The following KIAA1217 variants were observed in gnomAD, a reference collection of about 807,000 sequenced individuals.
KIAA1217 encodes sickle tail protein homolog.
A neutral mutation model predicts 163.9 loss-of-function variants in KIAA1217; 88 were observed. The ratio of observed to expected loss-of-function variants is 0.54; its 90% confidence interval spans 0.45 to 0.64. KIAA1217 has a LOEUF of 0.64. Ranked by LOEUF, KIAA1217 falls within the 30% of genes least tolerant of loss-of-function variation. The pLI is 0.00. For missense variants in KIAA1217, 2,372 were observed against 2,475.0 expected (o/e 0.96, Z 0.88); for synonymous variants, 903 against 923.1 (o/e 0.98, Z 0.39).
At chr10:23,956,997 T>C (rs1218268185) in intron 1 of KIAA1217, among the ~76,000 whole-genome samples, 1 of 152,154 alleles carries the variant, frequency 6.6e-6, no homozygotes, top group Non-Finnish European at 1.5e-5. Context: ...TTTCTTCCAG[T>C]TGCCACCCAT....
intron 2 of KIAA1217, among the ~76,000 whole-genome samples, chr10:24,329,855 A>G (rs1442429560): frequency 6.6e-6 from 1 of 152,204 alleles, no homozygotes; most frequent in African/African-American, 2.4e-5. Context: ...CTAGGAATAT[A>G]CACAAAGCCA....
chr10:23,706,862 C>A (rs1251435358), intron 1 of KIAA1217, among the ~76,000 whole-genome samples: 1 of 152,102 alleles, frequency 6.6e-6, no homozygotes, highest in Non-Finnish European at 1.5e-5. Context: ...GAGTTCCAGT[C>A]AGCAGTATGG....
intron 1 of KIAA1217, among the ~76,000 whole-genome samples, chr10:23,765,469 G>C (rs114383360): frequency 2.6e-5 from 4 of 152,046 alleles, no homozygotes; most frequent in African/African-American, 9.6e-5. Context: ...CACCACGCCC[G>C]GTCTTTTGTT....
At chr10:23,889,277 G>A (rs1017945786) in intron 1 of KIAA1217, among the ~76,000 whole-genome samples, 14 of 151,842 alleles carry the variant, frequency 9.2e-5, no homozygotes, top group African/African-American at 2.9e-4. Flanking sequence ...TACCTGAAAT[G>A]TATGAGAGTT....
chr10:24,171,444 T>C (rs2065622295), intron 2 of KIAA1217, among the ~76,000 whole-genome samples: 1 of 152,376 alleles, frequency 6.6e-6, no homozygotes, highest in South Asian at 2.1e-4. Flanking sequence ...ATTTTAAAAA[T>C]TGAAAATGTT....
intron 1 of KIAA1217, among the ~76,000 whole-genome samples, chr10:23,953,470 G>T (rs1054639581): frequency 6.6e-6 from 1 of 152,258 alleles, no homozygotes; most frequent in Admixed American, 6.5e-5. Context: ...AGCTATGATT[G>T]CCATCTATGT....
chr10:24,524,678 A>T lies in KIAA1217; in HGVS notation c.2812A>T (p.Ile938Leu). 1 of 1,614,106 alleles carries T rather than the reference A, an allele frequency of 6.2e-7. No homozygotes were observed. The highest frequency in any genetic ancestry group is 1.3e-5 in the African/African-American group (1 of 75,056). Residue 938 changes from isoleucine to leucine, a missense_variant, in exon 13 of 21, where the codon ATA becomes TTA. This residue lies in a region of KIAA1217 where 1,431 missense variants were observed against 1,470.3 expected (regional missense o/e 0.97). Transcript: ENST00000376454. ...GTCGCAGGCTCCGCAGTCCCCACAGATACCCATGAATGGGTCTGCCATGCA... is the reference window on the plus strand; with the variant it reads ...GTCGCAGGCTCCGCAGTCCCCACAGTTACCCATGAATGGGTCTGCCATGCA... The part of the protein sequence containing the change: ...QMSQAPQSPQ[I>L]PMNGSAMQSL...
chr10:24,176,192 G>T (rs1428765372), intron 2 of KIAA1217, among the ~76,000 whole-genome samples: 1 of 152,154 alleles, frequency 6.6e-6, no homozygotes, highest in Non-Finnish European at 1.5e-5. Flanking sequence ...GTGCTGATTG[G>T]TGCATTTACA....
At chr10:23,942,368 C>T (rs977215811) in intron 1 of KIAA1217, among the ~76,000 whole-genome samples, 1 of 152,006 alleles carries the variant, frequency 6.6e-6, no homozygotes, top group African/African-American at 2.4e-5. Context: ...CAAAAAGAAC[C>T]AAATAGAAAT....
intron 2 of KIAA1217, among the ~76,000 whole-genome samples, chr10:24,254,450 T>A (rs2131581169): frequency 6.6e-6 from 1 of 152,304 alleles, no homozygotes; most frequent in African/African-American, 2.4e-5. Context: ...TCAGAGGCCA[T>A]GTGTTGAAAA....
At chr10:24,104,653 G>A (rs1053682557) in intron 2 of KIAA1217, among the ~76,000 whole-genome samples, 1 of 152,158 alleles carries the variant, frequency 6.6e-6, no homozygotes, top group African/African-American at 2.4e-5. Context: ...GCATCCTATG[G>A]ACTTTGGGTG....
At chr10:24,040,563 T>C (rs1020481840) in intron 2 of KIAA1217, among the ~76,000 whole-genome samples, 13 of 152,252 alleles carry the variant, frequency 8.5e-5, no homozygotes, top group South Asian at 8.3e-4. Context: ...TTTGTAGTTA[T>C]GCTTTACTAA....
At chr10:23,790,403 A>ATG (rs1835793769) in intron 1 of KIAA1217, among the ~76,000 whole-genome samples, 1 of 111,584 alleles carries the variant, frequency 9.0e-6, no homozygotes, top group Non-Finnish European at 1.8e-5. Context: ...ATATATACAT[A>ATG]TATACATATA....
chr10:24,257,336 C>T (rs979071887), intron 2 of KIAA1217, among the ~76,000 whole-genome samples: 3 of 152,054 alleles, frequency 2.0e-5, no homozygotes, highest in Non-Finnish European at 2.9e-5. Flanking sequence ...GATGGAACGG[C>T]GTGGGGGGTG....
At chr10:23,973,355 C>T (rs1241592533) in intron 1 of KIAA1217, among the ~76,000 whole-genome samples, 6 of 152,216 alleles carry the variant, frequency 3.9e-5, no homozygotes. Flanking sequence ...ATTTTAAAAA[C>T]AACCTGTTTC....
intron 1 of KIAA1217, among the ~76,000 whole-genome samples, chr10:23,845,579 G>T (rs564667666): frequency 3.3e-5 from 5 of 152,044 alleles, no homozygotes; most frequent in South Asian, 2.1e-4. Flanking sequence ...CTTTTTGATG[G>T]TTTTTTCTTT....
chr10:24,365,224 C>A (rs1189390562), intron 2 of KIAA1217, among the ~76,000 whole-genome samples: 2 of 152,120 alleles, frequency 1.3e-5, no homozygotes, highest in Non-Finnish European at 2.9e-5. Context: ...ATGAGGGTCA[C>A]CTAGCAGAGA....
chr10:24,370,866 C>A (rs2051543470), intron 2 of KIAA1217, among the ~76,000 whole-genome samples: 1 of 152,184 alleles, frequency 6.6e-6, no homozygotes, highest in African/African-American at 2.4e-5. Context: ...GTGTAAGCCA[C>A]CACACCTAGT....
intron 1 of KIAA1217, among the ~76,000 whole-genome samples, chr10:23,734,053 CAT>C (rs1838642083): frequency 6.6e-6 from 1 of 152,002 alleles, no homozygotes; most frequent in Non-Finnish European, 1.5e-5. Context: ...TTGATGTAGA[CAT>C]GTGAATTATA....
Sources: gnomAD v4.1 joint callset for allele counts (sites outside exome capture counted in the v4.1 genomes callset) on GRCh38, gnomAD v4.1.1 for gene constraint, gnomAD v4.1.1 regional missense constraint, MANE v1.5 for transcripts, NCBI Gene and HGNC (gene_info 2026-07-23, HGNC 2026-07-21) for gene names.